The following EIPR1 variants were observed in gnomAD, a reference collection of about 807,000 sequenced individuals.
EIPR1 encodes EARP and GARP complex-interacting protein 1.
EIPR1 carries 25 observed loss-of-function variants against 48.1 expected under a neutral mutation model. That is an observed-to-expected ratio of 0.52 (90% confidence interval 0.38 to 0.73). The LOEUF (loss-of-function observed/expected upper bound fraction) is 0.73, where lower values mean the gene tolerates loss of function less well. EIPR1 is among the 30% of genes least tolerant of loss of function. EIPR1 has a pLI of 0.00. For synonymous variants in EIPR1, 204 were observed against 201.9 expected, an observed-to-expected ratio of 1.01 and a Z score of -0.09; for missense variants, 415 against 506.2, an observed-to-expected ratio of 0.82 and a Z score of 1.73.
rs374650643 is a variant in EIPR1, at chr2:3,189,460, G to A, written c.1038C>T (p.His346=). Residue 346 remains histidine, a synonymous_variant, in exon 9 of 9, where the codon CAC becomes CAT. Coordinates refer to ENST00000382125, the MANE Select transcript of EIPR1 (RefSeq NM_003310.5). This position sits in a 1 kb window ranked among gnomAD's most constrained non-coding sequence, Gnocchi z 4.6. ...AGTCCACGGCATAGACGCTGTCCTCGTGCTCCTCGTAGGTGGCGATCACGT... is the reference window on the plus strand; with the variant it reads ...AGTCCACGGCATAGACGCTGTCCTCATGCTCCTCGTAGGTGGCGATCACGT... ...QDNVIATYEE[H]EDSVYAVDWS... is the part of the protein sequence containing the mutation. 16 of 1,577,482 alleles carry A rather than the reference G, an allele frequency of 1.0e-5. No homozygotes were observed. Among genetic ancestry groups the A allele is most frequent in the African/African-American group, 2.7e-5 (2 of 74,576 alleles).
At chr2:3,233,295 C>T (rs1030002389) in intron 4 of EIPR1, among the ~76,000 whole-genome samples, 7 of 152,104 alleles carry the variant, frequency 4.6e-5, no homozygotes, top group Admixed American at 4.6e-4. Flanking sequence ...AGAATTCTAT[C>T]GTGTGAATTT....
At chr2:3,191,162 A>G (rs1224804337) in intron 8 of EIPR1, among the ~76,000 whole-genome samples, 52 of 140,464 alleles carry the variant, frequency 3.7e-4, no homozygotes, top group East Asian at 6.5e-4. Flanking sequence ...CCACTGCAGA[A>G]AGGGTCCAAA....
intron 4 of EIPR1, among the ~76,000 whole-genome samples, chr2:3,216,279 C>G (rs1049086121): frequency 6.6e-6 from 1 of 152,112 alleles, no homozygotes; most frequent in Admixed American, 6.5e-5. Flanking sequence ...TCCATGGATT[C>G]ATAAGCTCCC....
At chr2:3,237,429 A>G (rs1157307530) in intron 4 of EIPR1, among the ~76,000 whole-genome samples, 1 of 152,202 alleles carries the variant, frequency 6.6e-6, no homozygotes, top group Non-Finnish European at 1.5e-5. Flanking sequence ...GTCTATTGTT[A>G]CAGGTGTTCT....
At chr2:3,278,676 G>A (rs564617720) in intron 3 of EIPR1, among the ~76,000 whole-genome samples, 2 of 152,120 alleles carry the variant, frequency 1.3e-5, no homozygotes, top group African/African-American at 4.8e-5. Flanking sequence ...CTCCAGCTGA[G>A]TCCGCTTCAG....
chr2:3,241,031 A>G (rs1009099370), intron 4 of EIPR1, among the ~76,000 whole-genome samples: 16 of 151,342 alleles, frequency 1.1e-4, no homozygotes, highest in African/African-American at 3.6e-4. Flanking sequence ...CAAAGCCAGC[A>G]GATCCTTCCT....
At chr2:3,337,879 T>C in intron 3 of EIPR1, 138 bp downstream of exon 3, 1 of 873,668 alleles carries the variant, frequency 1.1e-6, no homozygotes. Flanking sequence ...ATATCATGGC[T>C]TCTCTGTGCA....
At chr2:3,290,210 C>T (rs1201371776) in intron 3 of EIPR1, among the ~76,000 whole-genome samples, 2 of 152,182 alleles carry the variant, frequency 1.3e-5, no homozygotes, top group Admixed American at 6.5e-5. Context: ...GTCTCGCTCA[C>T]CCGGATGCAG....
At chr2:3,273,709 G>A (rs1388178793) in intron 3 of EIPR1, among the ~76,000 whole-genome samples, 1 of 152,112 alleles carries the variant, frequency 6.6e-6, no homozygotes, top group African/African-American at 2.4e-5. Flanking sequence ...GGGCCGCCCT[G>A]GACATTTTCC....
chr2:3,240,987 C>T (rs377313441), intron 4 of EIPR1, among the ~76,000 whole-genome samples: 85 of 98,928 alleles, frequency 8.6e-4, no homozygotes, highest in Middle Eastern at 6.7e-3. Flanking sequence ...CAGCAGATCC[C>T]TCCTAAAGCA....
At chr2:3,303,471 C>A (rs1162215870) in intron 3 of EIPR1, among the ~76,000 whole-genome samples, 1 of 152,248 alleles carries the variant, frequency 6.6e-6, no homozygotes, top group Non-Finnish European at 1.5e-5. Context: ...GCCACCTCGA[C>A]CGCCACTCAC....
chr2:3,362,974 T>C (rs1466698723), intron 1 of EIPR1, among the ~76,000 whole-genome samples: 1 of 152,172 alleles, frequency 6.6e-6, no homozygotes, highest in African/African-American at 2.4e-5. Context: ...CCTGGTGTCT[T>C]CTCAGGAAGC....
intron 5 of EIPR1, among the ~76,000 whole-genome samples, chr2:3,201,283 G>A (rs1459598987): frequency 2.0e-5 from 3 of 152,226 alleles, no homozygotes; most frequent in Non-Finnish European, 4.4e-5. Flanking sequence ...AATTCCTGGA[G>A]AAGGAGGTAG....
At chr2:3,324,788 G>A (rs1055550080) in intron 3 of EIPR1, among the ~76,000 whole-genome samples, 2 of 152,228 alleles carry the variant, frequency 1.3e-5, no homozygotes, top group Non-Finnish European at 2.9e-5. Context: ...AGTGCAGGCG[G>A]CCTGCGCGCT....
chr2:3,193,088 C>T (rs3792156), intron 7 of EIPR1, among the ~76,000 whole-genome samples: 9,515 of 152,226 alleles, frequency 0.063, 387 homozygotes, highest in South Asian at 0.098. Context: ...CTTCTGCCTC[C>T]CGTCATGCTG....
At position 3,243,658 on chromosome 2, in the gene EIPR1, TA is replaced by T. The variant is rs977862335; in HGVS notation, c.416+13640del. Among the ~76,000 whole-genome samples the T allele has an allele frequency of 3.3e-5, 5 of 152,136 alleles. 1 individual carries two copies. In the South Asian group the frequency reaches 8.3e-4, roughly 25 times the overall value. On this transcript the variant is annotated intron_variant, in intron 4 of 8. Coordinates refer to ENST00000382125, the MANE Select transcript of EIPR1 (RefSeq NM_003310.5). ...AAAAAAACCCAAAATGAAATTAAAT[TA>T]AAAATTTTTTTTAAAAATTTAAAAA... is the stretch of plus-strand genomic sequence containing the variant.
chr2:3,376,795 C>T (rs1278168767), intron 1 of EIPR1, among the ~76,000 whole-genome samples: 1 of 152,050 alleles, frequency 6.6e-6, no homozygotes, highest in Non-Finnish European at 1.5e-5. Flanking sequence ...GTTTCTATCT[C>T]TCTATCTGTC....
intron 2 of EIPR1, among the ~76,000 whole-genome samples, chr2:3,344,164 G>C (rs1309094331): frequency 1.3e-5 from 2 of 152,240 alleles, no homozygotes; most frequent in African/African-American, 4.8e-5. Flanking sequence ...GATTCCCTCG[G>C]CCGCTGATGG....
At chr2:3,349,337 A>G (rs1419034937) in intron 2 of EIPR1, among the ~76,000 whole-genome samples, 2 of 152,066 alleles carry the variant, frequency 1.3e-5, no homozygotes, top group Admixed American at 1.3e-4. Context: ...TCCTCCAGCC[A>G]CTCACCCACC....
Sources: allele counts gnomAD v4.1 joint callset (sites outside exome capture counted in the v4.1 genomes callset), GRCh38; gene constraint gnomAD v4.1.1; non-coding constraint Gnocchi (gnomAD v3.1); transcripts MANE v1.5; gene names NCBI Gene and HGNC (gene_info 2026-07-23, HGNC 2026-07-21).